Variants in CAPN8 observed in about 807,000 individuals in gnomAD.
CAPN8 encodes calpain-8.
A neutral mutation model predicts 80.9 loss-of-function variants in CAPN8; 87 were observed. The observed-to-expected ratio is 1.07, with a 90% CI of 0.90 to 1.28. CAPN8 has a LOEUF of 1.28. Among genes scored for constraint, CAPN8 ranks in the 50% most tolerant of loss-of-function variants. The probability of loss-of-function intolerance (pLI) is 0.00; values close to 1 mark genes in which losing one functional copy is unlikely to be tolerated. For missense variants in CAPN8, 757 were observed against 702.0 expected, an observed-to-expected ratio of 1.08 and a Z score of -0.89; for synonymous variants, 299 against 273.8, an observed-to-expected ratio of 1.09 and a Z score of -0.91.
At chr1:223,624,164 C>T (rs1657492105) in intron 6 of CAPN8, among the ~76,000 whole-genome samples, 1 of 152,166 alleles carries the variant, frequency 6.6e-6, no homozygotes, top group African/African-American at 2.4e-5. Flanking sequence ...TCTCAAGCGC[C>T]TGCCCGGGCT....
At chr1:223,614,729 C>T (rs1253614579) in intron 10 of CAPN8, among the ~76,000 whole-genome samples, 1 of 152,136 alleles carries the variant, frequency 6.6e-6, no homozygotes. Context: ...TGTGATAATC[C>T]TCCATGTCCT....
At chr1:223,611,023 G>GCC (rs35246472) in intron 11 of CAPN8, among the ~76,000 whole-genome samples, 3 of 151,928 alleles carry the variant, frequency 2.0e-5, no homozygotes, top group South Asian at 2.1e-4. Context: ...TGTCCTGAAG[G>GCC]CCCCCCGGCA....
intron 1 of CAPN8, among the ~76,000 whole-genome samples, chr1:223,655,199 A>T (rs149205071): frequency 6.6e-6 from 1 of 152,338 alleles, no homozygotes; most frequent in East Asian, 1.9e-4. Context: ...GGCACTCGTT[A>T]AAGTCTTGAC....
At chr1:223,650,782 G>A (rs976538886) in intron 2 of CAPN8, among the ~76,000 whole-genome samples, 1 of 152,178 alleles carries the variant, frequency 6.6e-6, no homozygotes, top group Non-Finnish European at 1.5e-5. Context: ...GTGACCAAAG[G>A]AGTTCTGGTT....
At chr1:223,637,529 T>C (rs1207740552) in intron 2 of CAPN8, among the ~76,000 whole-genome samples, 1 of 152,154 alleles carries the variant, frequency 6.6e-6, no homozygotes, top group Non-Finnish European at 1.5e-5. Flanking sequence ...AGGTTCCTAC[T>C]CCTGAGCACC....
chr1:223,644,847 G>C (rs1658145367), intron 2 of CAPN8, among the ~76,000 whole-genome samples: 1 of 152,212 alleles, frequency 6.6e-6, no homozygotes, highest in Admixed American at 6.5e-5. Context: ...GTAGGCATCA[G>C]AGTTGTGGCC....
intron 13 of CAPN8, 36 bp downstream of exon 13, chr1:223,558,093 AAC>A: frequency 2.5e-6 from 1 of 398,658 alleles, no homozygotes; most frequent in Non-Finnish European, 4.4e-6. Flanking sequence ...ACTGCTATGC[AAC>A]AGTGTCAGAG....
At chr1:223,659,456 A>C (rs776552039) in intron 1 of CAPN8, among the ~76,000 whole-genome samples, 2 of 152,150 alleles carry the variant, frequency 1.3e-5, no homozygotes, top group South Asian at 2.1e-4. Context: ...TTCCCATCAC[A>C]GTGGACTCCC....
At chr1:223,656,604 A>C (rs1403215031) in intron 1 of CAPN8, among the ~76,000 whole-genome samples, 1 of 151,508 alleles carries the variant, frequency 6.6e-6, no homozygotes, top group Non-Finnish European at 1.5e-5. Context: ...AGCATTTCTT[A>C]AGTGTCCCTC....
rs201126810 is a variant in CAPN8, at chr1:223,625,829, C to T, written c.789G>A (p.Ala263=). The change falls in exon 6 of 21, where the codon GCG becomes GCA. Residue 263 remains alanine (A), a synonymous_variant. Transcript: ENST00000366872. ...ITSQKLVKSH[A]YSVTGVEEVN... ...CCTCTTCGACTCCAGTGACAGAGTA[C>T]GCATGACTCTTAACCAGCTTCTGGC... is the stretch of plus-strand genomic sequence containing the variant. The T allele has an allele frequency of 4.9e-5, 76 of 1,551,348 alleles. No individual in the cohort carries two copies. Among genetic ancestry groups the T allele is most frequent in the African/African-American group, 1.6e-4 (12 of 73,054 alleles).
At chr1:223,627,987 G>T in intron 4 of CAPN8, 22 bp downstream of exon 4, 2 of 1,520,282 alleles carry the variant, frequency 1.3e-6, no homozygotes. Context: ...GCGTCTCCCA[G>T]CTCCTGGCTT....
At chr1:223,659,143 A>G (rs576190304) in intron 1 of CAPN8, among the ~76,000 whole-genome samples, 120 of 152,348 alleles carry the variant, frequency 7.9e-4, no homozygotes, top group African/African-American at 2.7e-3. Context: ...GACCAGGCCT[A>G]AGGAAATACA....
chr1:223,634,923 G>A (rs1657873669), intron 2 of CAPN8, among the ~76,000 whole-genome samples: 1 of 152,202 alleles, frequency 6.6e-6, no homozygotes, highest in Admixed American at 6.5e-5. Context: ...ATTTATCCAA[G>A]AGAGGTAAGA....
chr1:223,637,566 C>T (rs72747945), intron 2 of CAPN8, among the ~76,000 whole-genome samples: 8,004 of 152,164 alleles, frequency 0.053, 280 homozygotes, highest in Non-Finnish European at 0.07. Flanking sequence ...TTTAAGTTCC[C>T]GTCCTCTTAG....
intron 10 of CAPN8, among the ~76,000 whole-genome samples, chr1:223,615,486 G>A (rs1657141506): frequency 6.6e-6 from 1 of 152,180 alleles, no homozygotes. Context: ...AACTGAAAAT[G>A]GGCACGTGGT....
At chr1:223,616,635 G>T (rs1657198657) in intron 9 of CAPN8, among the ~76,000 whole-genome samples, 1 of 152,186 alleles carries the variant, frequency 6.6e-6, no homozygotes, top group East Asian at 1.9e-4. Flanking sequence ...GTCTCTCCGT[G>T]ACACTATTAA....
At chr1:223,632,580 T>C (rs1007583248) in intron 2 of CAPN8, among the ~76,000 whole-genome samples, 12 of 152,022 alleles carry the variant, frequency 7.9e-5, no homozygotes, top group Non-Finnish European at 2.9e-5. Flanking sequence ...ATGTTGCCCA[T>C]GCTGATCCTG....
intron 15 of CAPN8, 49 bp downstream of exon 15, chr1:223,550,911 C>G (rs1229953939): frequency 1.4e-6 from 1 of 712,090 alleles, no homozygotes; most frequent in Non-Finnish European, 2.6e-6. Context: ...CCTCACCCTG[C>G]CCCAGCATCT....
chr1:223,548,391 C>G (rs911753035), intron 16 of CAPN8, among the ~76,000 whole-genome samples: 1 of 152,162 alleles, frequency 6.6e-6, no homozygotes, highest in Admixed American at 6.5e-5. Flanking sequence ...CCATTCCTCC[C>G]AAAAACTACT....
Sources: allele counts gnomAD v4.1 joint callset (sites outside exome capture counted in the v4.1 genomes callset), GRCh38; gene constraint gnomAD v4.1.1; transcripts MANE v1.5; gene names NCBI Gene and HGNC (gene_info 2026-07-23, HGNC 2026-07-21).